WDR25: variants seen among roughly 807,000 people sequenced by gnomAD.
The protein encoded by WDR25 is WD repeat domain 25, also known as WD repeat-containing protein 25.
Under a neutral mutation model 47.7 loss-of-function variants are expected in WDR25, and 35 were observed. The ratio of observed to expected loss-of-function variants is 0.73; its 90% CI spans 0.56 to 0.97. WDR25 has a LOEUF of 0.97. Ranked by LOEUF, WDR25 falls within the 50% of genes least tolerant of loss-of-function variation. The probability of loss-of-function intolerance (pLI) is 0.00; values close to 1 mark genes in which losing one functional copy is unlikely to be tolerated. For synonymous variants in WDR25, 248 were observed against 278.9 expected (o/e 0.89, Z 1.10); for missense variants, 634 against 704.7 (o/e 0.90, Z 1.14).
intron 5 of WDR25, 134 bp downstream of exon 5, chr14:100,526,174 T>C: frequency 8.8e-7 from 1 of 1,133,098 alleles, no homozygotes; most frequent in Non-Finnish European, 1.2e-6. Flanking sequence ...ATGAGGGTAG[T>C]CAGGTCTCAG....
intron 4 of WDR25, among the ~76,000 whole-genome samples, chr14:100,521,109 T>C (rs985853625): frequency 9.9e-5 from 15 of 152,140 alleles, no homozygotes; most frequent in Non-Finnish European, 1.8e-4. Flanking sequence ...CCTGTTTTTA[T>C]ATGGTCTTTG....
rs1271855092 is a variant in WDR25, at chr14:100,523,861, C to T, written c.1102-2009C>T. On this transcript the variant is annotated intron_variant, in intron 4 of 6. Coordinates refer to ENST00000402312, the MANE Select transcript of WDR25 (RefSeq NM_001161476.3). The surrounding 1 kb of genome is among the most constrained non-coding windows in gnomAD (Gnocchi z 4.7). ...CCAGCTCGTTAGGCTCGGGTAGCAG[C>T]GTCCCATGCCAGCTGTTGGTGTAAT... Among the ~76,000 whole-genome samples, 2 of 152,132 alleles carry T rather than the reference C, an allele frequency of 1.3e-5. No homozygotes were observed. The highest frequency in any genetic ancestry group is 2.9e-5 in the Non-Finnish European group (2 of 68,036).
At chr14:100,405,166 A>ATTTTTTTTTTTTTTTT (rs1285500586) in intron 2 of WDR25, among the ~76,000 whole-genome samples, 3 of 75,148 alleles carry the variant, frequency 4.0e-5, no homozygotes, top group African/African-American at 1.5e-4. Context: ...TCTCTGCCCC[A>ATTTTTTTTTTTTTTTT]TCTTTTTTTT....
chr14:100,451,432 C>G (rs1899027763), intron 2 of WDR25, among the ~76,000 whole-genome samples: 1 of 152,070 alleles, frequency 6.6e-6, no homozygotes, highest in Non-Finnish European at 1.5e-5. Context: ...TTGCCCCAGG[C>G]TGGTCTCGAA....
rs566041973 is a variant in WDR25, at chr14:100,519,328, A to G, written c.1102-6542A>G. Among the ~76,000 whole-genome samples the G allele has an allele frequency of 2.0e-4, 31 of 151,688 alleles. No individual in the cohort carries two copies. The South Asian group carries it at 3.3e-3, about 16-fold the overall frequency. ...TTACTCCATTTCAGGTTTACATTAG[A>G]TTTGTTCATTTTAAAATTTAGAATT... On this transcript the variant is annotated intron_variant, in intron 4 of 6. Transcript: ENST00000402312.
chr14:100,381,279 A>G lies in WDR25; in HGVS notation c.355A>G (p.Thr119Ala), dbSNP rs1407294341. ...IKEPSCSSLW[T>A]SHVPASHMPL... is the part of the protein sequence containing the mutation. ...AGAGCCTTCTTGTTCTTCTCTGTGG[A>G]CGAGCCATGTTCCAGCCAGCCACAT... The change falls in exon 2 of 7, where the codon ACG becomes GCG. Residue 119 changes from threonine (T) to alanine (A), a missense_variant. By Grantham distance (58) the Thr-to-Ala change is moderately conservative. Transcript: ENST00000402312. The G allele has an allele frequency of 1.2e-6, 2 of 1,613,896 alleles. No individual in the cohort carries two copies. The highest frequency in any genetic ancestry group is 2.7e-5 in the African/African-American group (2 of 74,872).
At chr14:100,524,335 C>T (rs1358944650) in intron 4 of WDR25, among the ~76,000 whole-genome samples, 2 of 151,982 alleles carry the variant, frequency 1.3e-5, no homozygotes, top group East Asian at 1.9e-4. Context: ...GGGCACTCAG[C>T]GAGTGGCAGG....
At chr14:100,446,199 G>T (rs1004759627) in intron 2 of WDR25, among the ~76,000 whole-genome samples, 1 of 152,194 alleles carries the variant, frequency 6.6e-6, no homozygotes, top group Non-Finnish European at 1.5e-5. Context: ...GGGGTCCTGC[G>T]GTGGTGGTCA....
rs547772935 is a variant in WDR25, at chr14:100,499,913, G to A, written c.1101+15789G>A. 4.3e-4 allele frequency among the ~76,000 whole-genome samples: 66 copies of A among 152,324 alleles called. 1 individual carries two copies. In the South Asian group the frequency reaches 0.012, roughly 28 times the overall value. On this transcript the variant is annotated intron_variant, in intron 4 of 6. Transcript: ENST00000402312. The surrounding 1 kb of genome is among the most constrained non-coding windows in gnomAD (Gnocchi z 4.4). ...GTGAATGTAGAATTCAGTGTTTGGA[G>A]TCAGGTGGGATACAAGGACTGGAAA... is the stretch of plus-strand genomic sequence containing the variant.
chr14:100,382,692 G>A (rs1263691455), intron 2 of WDR25, among the ~76,000 whole-genome samples: 1 of 152,188 alleles, frequency 6.6e-6, no homozygotes, highest in Non-Finnish European at 1.5e-5. Context: ...AGCTAGCAAA[G>A]CACCTGATAT....
At chr14:100,397,789 C>T (rs997731468) in intron 2 of WDR25, among the ~76,000 whole-genome samples, 3 of 152,180 alleles carry the variant, frequency 2.0e-5, no homozygotes, top group South Asian at 4.1e-4. Context: ...GGTAGCTGGA[C>T]GAGGCTGGGC....
chr14:100,450,593 G>A (rs1431388900), intron 2 of WDR25, among the ~76,000 whole-genome samples: 1 of 152,194 alleles, frequency 6.6e-6, no homozygotes, highest in African/African-American at 2.4e-5. Flanking sequence ...GTCACTCTAA[G>A]CCTCTCTTTG....
intron 2 of WDR25, among the ~76,000 whole-genome samples, chr14:100,383,783 G>C (rs1174854536): frequency 6.6e-6 from 1 of 152,256 alleles, no homozygotes; most frequent in East Asian, 1.9e-4. Context: ...GGTGCCACTG[G>C]GGACGTGGGG....
At chr14:100,379,972 C>T (rs551120440) in intron 1 of WDR25, among the ~76,000 whole-genome samples, 164 of 151,284 alleles carry the variant, frequency 1.1e-3, no homozygotes, top group African/African-American at 3.6e-3. Flanking sequence ...GAGCTCCTGA[C>T]CTTGTGATTC....
rs116462149 is a variant in WDR25 at position 100,443,914 on chromosome 14, T to C, written c.823-24107T>C. 4.4e-3 allele frequency among the ~76,000 whole-genome samples: 674 copies of C among 152,326 alleles called. 6 individuals are homozygous for C. Among genetic ancestry groups the C allele is most frequent in the African/African-American group, 0.014 (584 of 41,566 alleles). On this transcript the variant is annotated intron_variant, in intron 2 of 6. Transcript: ENST00000402312. Reference sequence around the variant, plus strand: ...ATGCATATTCTCTGTTAATGCTCCCTGCAACCTTGAGGAGGAGATACCACC... The same window carrying C: ...ATGCATATTCTCTGTTAATGCTCCCCGCAACCTTGAGGAGGAGATACCACC...
intron 5 of WDR25, among the ~76,000 whole-genome samples, chr14:100,526,694 C>A (rs898994123): frequency 1.3e-5 from 2 of 150,474 alleles, no homozygotes; most frequent in African/African-American, 4.9e-5. Context: ...CTGCCACCAT[C>A]ATCGTCACCA....
chr14:100,490,604 A>G (rs1900530522), intron 4 of WDR25, among the ~76,000 whole-genome samples: 1 of 152,346 alleles, frequency 6.6e-6, no homozygotes, highest in African/African-American at 2.4e-5. Flanking sequence ...CTAGGCCTCC[A>G]GGTTTTTGAA....
chr14:100,397,325 CT>C (rs1897282453), intron 2 of WDR25, among the ~76,000 whole-genome samples: 1 of 152,156 alleles, frequency 6.6e-6, no homozygotes, highest in South Asian at 2.1e-4. Flanking sequence ...TTTAAAAGGG[CT>C]TACTTCCTTC....
Position 100,449,342 on chromosome 14 carries a change from G to T in WDR25, c.823-18679G>T, listed in dbSNP as rs1472956462. On this transcript the variant is annotated intron_variant, in intron 2 of 6. Coordinates refer to ENST00000402312, the MANE Select transcript of WDR25 (RefSeq NM_001161476.3). The surrounding 1 kb of genome is among the most constrained non-coding windows in gnomAD (Gnocchi z 4.2). ...CCTGTTGGAGCCTGGCTACAGGGCTGCCCCGGGAGGCCTCCTTTGGGAGCA... is the reference window on the plus strand; with the variant it reads ...CCTGTTGGAGCCTGGCTACAGGGCTTCCCCGGGAGGCCTCCTTTGGGAGCA... Among the ~76,000 whole-genome samples, 1 of 152,256 alleles carries T rather than the reference G, an allele frequency of 6.6e-6. No homozygotes were observed. The highest frequency in any genetic ancestry group is 1.5e-5 in the Non-Finnish European group (1 of 68,034).
Sources: allele counts gnomAD v4.1 joint callset (sites outside exome capture counted in the v4.1 genomes callset), GRCh38; gene constraint gnomAD v4.1.1; non-coding constraint Gnocchi (gnomAD v3.1); transcripts MANE v1.5; gene names NCBI Gene and HGNC (gene_info 2026-07-23, HGNC 2026-07-21).